KDM4C: variants seen among roughly 807,000 people sequenced by gnomAD.
KDM4C encodes lysine demethylase 4C.
KDM4C carries 81 observed loss-of-function variants against 129.3 expected under a neutral mutation model. That is an observed-to-expected ratio of 0.63 (90% CI 0.52 to 0.75). The LOEUF is 0.75. KDM4C is among the 30% of genes least tolerant of loss of function. KDM4C has a pLI of 0.00. For synonymous variants in KDM4C, 573 were observed against 456.1 expected, an observed-to-expected ratio of 1.26 and a Z score of -3.26; for missense variants, 1,457 against 1,304.0, an observed-to-expected ratio of 1.12 and a Z score of -1.81.
chr9:6,957,622 T>C (rs1829302106), intron 8 of KDM4C, among the ~76,000 whole-genome samples: 1 of 152,192 alleles, frequency 6.6e-6, no homozygotes, highest in Non-Finnish European at 1.5e-5. Flanking sequence ...GCTGTTTCTC[T>C]GTGTTGTGAC....
At chr9:6,954,323 T>C (rs891666499) in intron 8 of KDM4C, among the ~76,000 whole-genome samples, 14 of 152,232 alleles carry the variant, frequency 9.2e-5, no homozygotes, top group African/African-American at 3.1e-4. Context: ...TGTTTGTTTT[T>C]ATGTTCCTGG....
chr9:7,101,347 A>C (rs1043145658), intron 17 of KDM4C, among the ~76,000 whole-genome samples: 1 of 152,110 alleles, frequency 6.6e-6, no homozygotes, highest in Non-Finnish European at 1.5e-5. Context: ...AGGAAAAAAA[A>C]CCATTTTAGC....
intron 3 of KDM4C, among the ~76,000 whole-genome samples, chr9:6,807,187 G>C (rs930130029): frequency 6.6e-6 from 1 of 152,168 alleles, no homozygotes; most frequent in African/African-American, 2.4e-5. Flanking sequence ...CGTTCACTCA[G>C]TGCTCAATGG....
chr9:7,001,099 A>G (rs1820642799), intron 12 of KDM4C, among the ~76,000 whole-genome samples: 1 of 152,106 alleles, frequency 6.6e-6, no homozygotes, highest in African/African-American at 2.4e-5. Flanking sequence ...ATTTTCATAG[A>G]GTTGTTTTAG....
chr9:6,737,710 A>C (rs1422632350), intron 1 of KDM4C, among the ~76,000 whole-genome samples: 2 of 151,802 alleles, frequency 1.3e-5, no homozygotes, highest in East Asian at 3.9e-4. Context: ...ATGAACAGAT[A>C]ATTTTCAAAA....
At chr9:6,865,291 A>G (rs1841751163) in intron 5 of KDM4C, among the ~76,000 whole-genome samples, 2 of 152,188 alleles carry the variant, frequency 1.3e-5, no homozygotes, top group Non-Finnish European at 2.9e-5. Flanking sequence ...TACAAGCGTG[A>G]GCCAAAGTGC....
rs182569947 is a variant in KDM4C at position 6,915,420 on chromosome 9, A to G, written c.921+22188A>G. On this transcript the variant is annotated intron_variant, in intron 8 of 21. Coordinates refer to ENST00000381309, the MANE Select transcript of KDM4C (RefSeq NM_015061.6). ...GTATTGTCTTCTCACTACTACTGTGATGAACACTTGGAGATGCCTGCCACT... is the reference window on the plus strand; with the variant it reads ...GTATTGTCTTCTCACTACTACTGTGGTGAACACTTGGAGATGCCTGCCACT... Among the ~76,000 whole-genome samples, 146 of 152,358 alleles carry G rather than the reference A, an allele frequency of 9.6e-4. 1 individual carries two copies. Among genetic ancestry groups the G allele is most frequent in the African/African-American group, 3.3e-3 (136 of 41,584 alleles).
At chr9:7,153,471 A>T (rs1418998232) in intron 19 of KDM4C, among the ~76,000 whole-genome samples, 1 of 152,052 alleles carries the variant, frequency 6.6e-6, no homozygotes, top group Non-Finnish European at 1.5e-5. Flanking sequence ...GGTATTGAAA[A>T]CTTGGGAGAC....
intron 17 of KDM4C, among the ~76,000 whole-genome samples, chr9:7,075,809 A>AT (rs199736134): frequency 0.023 from 3,332 of 146,524 alleles, 70 homozygotes; most frequent in African/African-American, 0.048. Flanking sequence ...CATTCTGAGG[A>AT]TTTTTTTTTT....
At position 7,011,936 on chromosome 9, in the gene KDM4C, T is replaced by C. The variant is rs550088854; in HGVS notation, c.1968+57T>C. On this transcript the variant is annotated intron_variant, in intron 13 of 21. Coordinates refer to ENST00000381309, the MANE Select transcript of KDM4C (RefSeq NM_015061.6). ...CTGCTCTGCCTTCCATGTGACCACA[T>C]ACCACAAGATCACTGTAAATTGTTG... 2.4e-5 allele frequency: 34 copies of C among 1,403,406 alleles called. No homozygotes were observed. In the African/African-American group the frequency reaches 3.7e-4, roughly 15 times the overall value. 86.9% of individuals were successfully genotyped at this position (1,403,406 alleles called of 1,614,324 possible).
intron 8 of KDM4C, among the ~76,000 whole-genome samples, chr9:6,914,798 C>T (rs1820007646): frequency 6.6e-6 from 1 of 152,206 alleles, no homozygotes; most frequent in Admixed American, 6.5e-5. Context: ...AACAAGGCAC[C>T]ATCTTTGAAG....
chr9:6,781,601 A>G (rs541112940), intron 1 of KDM4C, among the ~76,000 whole-genome samples: 4 of 152,282 alleles, frequency 2.6e-5, no homozygotes, highest in Admixed American at 2.6e-4. Context: ...TTAAGCAGCT[A>G]AATCACCAAC....
intron 1 of KDM4C, among the ~76,000 whole-genome samples, chr9:6,779,046 T>TTTTTTTTTTTTTTGGTG (rs71315563): frequency 6.9e-6 from 1 of 144,254 alleles, no homozygotes; most frequent in Admixed American, 6.9e-5. Context: ...TTTTTTTTTT[T>TTTTTTTTTTTTTTGGTG]GAGATGGAGT....
chr9:7,037,499 C>T (rs1448064232), intron 15 of KDM4C, among the ~76,000 whole-genome samples: 1 of 152,106 alleles, frequency 6.6e-6, no homozygotes, highest in African/African-American at 2.4e-5. Flanking sequence ...TACTCTTTTC[C>T]ATGGTTTAAT....
chr9:7,111,479 C>A (rs1311818535), intron 18 of KDM4C, among the ~76,000 whole-genome samples: 2 of 151,644 alleles, frequency 1.3e-5, no homozygotes, highest in Non-Finnish European at 2.9e-5. Flanking sequence ...TTTTTTTTAA[C>A]AGATGAGGAA....
At chr9:6,828,308 C>T (rs1231254873) in intron 4 of KDM4C, among the ~76,000 whole-genome samples, 1 of 151,958 alleles carries the variant, frequency 6.6e-6, no homozygotes, top group South Asian at 2.1e-4. Flanking sequence ...CCACAACGCC[C>T]GGCTAATTTT....
intron 19 of KDM4C, among the ~76,000 whole-genome samples, chr9:7,141,145 T>A (rs1587841049): frequency 6.6e-6 from 1 of 152,208 alleles, no homozygotes; most frequent in Non-Finnish European, 1.5e-5. Context: ...AAGTAGGTTT[T>A]TTTTGGCTCT....
chr9:7,172,280 C>T (rs1306278748), intron 21 of KDM4C, among the ~76,000 whole-genome samples: 1 of 152,174 alleles, frequency 6.6e-6, no homozygotes, highest in African/African-American at 2.4e-5. Flanking sequence ...CAGTCCACCT[C>T]AGTGATTGTG....
intron 17 of KDM4C, among the ~76,000 whole-genome samples, 168 bp from the exon 18 acceptor site, chr9:7,103,517 T>C (rs1343687202): frequency 6.6e-6 from 1 of 152,072 alleles, no homozygotes; most frequent in Non-Finnish European, 1.5e-5. Context: ...TAGATTACAT[T>C]GCCACAGATG....
Sources: gnomAD v4.1 joint callset for allele counts (sites outside exome capture counted in the v4.1 genomes callset) on GRCh38, gnomAD v4.1.1 for gene constraint, MANE v1.5 for transcripts, NCBI Gene and HGNC (gene_info 2026-07-23, HGNC 2026-07-21) for gene names.